The following TMEM245 variants were observed in gnomAD, a reference collection of about 807,000 sequenced individuals.
The protein encoded by TMEM245 is transmembrane protein 245.
Under a neutral mutation model 101.2 loss-of-function variants are expected in TMEM245, and 69 were observed. That is an observed-to-expected ratio of 0.68 (90% CI 0.56 to 0.83). The LOEUF (loss-of-function observed/expected upper bound fraction) is 0.83, where lower values mean the gene tolerates loss of function less well. TMEM245 is among the 40% of genes least tolerant of loss of function. TMEM245 has a pLI of 0.00. For missense variants in TMEM245, 1,075 were observed against 1,092.8 expected (o/e 0.98, Z 0.23); for synonymous variants, 537 against 449.8 (o/e 1.19, Z -2.45).
intron 12 of TMEM245, among the ~76,000 whole-genome samples, chr9:109,051,206 C>T (rs1828669430): frequency 6.6e-6 from 1 of 151,418 alleles, no homozygotes; most frequent in African/African-American, 2.4e-5. Context: ...GGAGGAGAAT[C>T]GCTTGAACCC....
At chr9:109,046,409 C>T in intron 14 of TMEM245, 1 of 404,222 alleles carries the variant, frequency 2.5e-6, no homozygotes, top group Non-Finnish European at 5.4e-6. Flanking sequence ...GGATGCATGC[C>T]ACTGACTCAA....
chr9:109,029,309 C>T (rs564552681), intron 17 of TMEM245, among the ~76,000 whole-genome samples: 6 of 152,256 alleles, frequency 3.9e-5, no homozygotes, highest in Non-Finnish European at 8.8e-5. Flanking sequence ...TGTCAGAACA[C>T]CAGAACACAA....
At chr9:109,045,157 C>G (rs1828446432) in intron 14 of TMEM245, among the ~76,000 whole-genome samples, 1 of 152,166 alleles carries the variant, frequency 6.6e-6, no homozygotes, top group African/African-American at 2.4e-5. Context: ...TGCTGTAGAA[C>G]ATTAGAACTT....
At position 109,017,427 on chromosome 9, in the gene TMEM245, C is replaced by A. The variant is rs1012017643; in HGVS notation, c.*3033G>T. On this transcript the variant is annotated 3_prime_UTR_variant, in exon 18 of 18. Coordinates refer to ENST00000374586, the MANE Select transcript of TMEM245 (RefSeq NM_032012.4). Reference sequence around the variant, plus strand: ...GTCTTACAGAGATCACTTGCAGGAACAGATATTGATAGGAACTTCAGAACT... The same window carrying A: ...GTCTTACAGAGATCACTTGCAGGAAAAGATATTGATAGGAACTTCAGAACT... The A allele has an allele frequency of 1.3e-4, 20 of 152,156 alleles. No homozygotes were observed. Among genetic ancestry groups the A allele is most frequent in the African/African-American group, 4.8e-4 (20 of 41,432 alleles). 9.4% of individuals were successfully genotyped at this position (152,156 alleles called of 1,614,324 possible). A position where few individuals can be genotyped will look rare whatever the true frequency, so the allele number is the denominator to read the frequency against.
At position 109,033,600 on chromosome 9, in the gene TMEM245, G is replaced by C. The variant is rs956765169; in HGVS notation, c.2400-99C>G. On this transcript the variant is annotated intron_variant, in intron 16 of 17. Transcript: ENST00000374586. Reference sequence around the variant, plus strand: ...ATTCTTTAATACACTATGCTTTTTAGCATATTATCAGCTTTCTTTAGATCA... The same window carrying C: ...ATTCTTTAATACACTATGCTTTTTACCATATTATCAGCTTTCTTTAGATCA... 5.8e-6 allele frequency: 7 copies of C among 1,197,786 alleles called. No homozygotes were observed. The African/African-American group carries it at 1.1e-4, about 18-fold the overall frequency. 74.2% of individuals were successfully genotyped at this position (1,197,786 alleles called of 1,614,324 possible).
intron 14 of TMEM245, among the ~76,000 whole-genome samples, chr9:109,048,416 C>T (rs1461439099): frequency 6.6e-6 from 1 of 150,824 alleles, no homozygotes; most frequent in Non-Finnish European, 1.5e-5. Context: ...CAAGATCAAT[C>T]AGGTGCAATT....
intron 2 of TMEM245, 135 bp from the exon 3 acceptor site, chr9:109,106,744 A>G: frequency 1.6e-6 from 1 of 612,862 alleles, no homozygotes. Flanking sequence ...GGCAAAAAAA[A>G]AAAAATTTAA....
intron 7 of TMEM245, among the ~76,000 whole-genome samples, chr9:109,083,728 C>T (rs1043452729): frequency 6.6e-6 from 1 of 151,178 alleles, no homozygotes; most frequent in African/African-American, 2.4e-5. Context: ...AAACAAAATT[C>T]CACTTGAGTT....
At chr9:109,075,511 A>T (rs6477687) in intron 8 of TMEM245, among the ~76,000 whole-genome samples, 65,117 of 152,028 alleles carry the variant, frequency 0.43, 14,204 homozygotes, top group African/African-American at 0.47. Context: ...GGTAGGAAGA[A>T]TTTCAAACAC....
At chr9:109,032,356 T>C (rs1401364660) in intron 17 of TMEM245, among the ~76,000 whole-genome samples, 1 of 144,594 alleles carries the variant, frequency 6.9e-6, no homozygotes, top group Non-Finnish European at 1.5e-5. Context: ...GGTTGTCCTA[T>C]TTCTTTTCCT....
At chr9:109,037,487 C>G (rs1020113327) in intron 15 of TMEM245, among the ~76,000 whole-genome samples, 4 of 152,192 alleles carry the variant, frequency 2.6e-5, no homozygotes, top group African/African-American at 9.7e-5. Context: ...GTGACTGGAT[C>G]ATGGCGGGTG....
Position 109,066,452 on chromosome 9 carries a change from C to CAAAAAAAA in TMEM245, c.1533-1893_1533-1886dup, listed in dbSNP as rs386415818. On this transcript the variant is annotated intron_variant, in intron 9 of 17. Transcript: ENST00000374586. ...CCTGGGCAAAAGAGCAAGACTGTCT[C>CAAAAAAAA]AAAAAAAAAAAAAAAAAAAAAAAAA... is the stretch of plus-strand genomic sequence containing the variant. 5.4e-3 allele frequency among the ~76,000 whole-genome samples: 284 copies of CAAAAAAAA among 52,448 alleles called. 29 individuals carry two copies. Among genetic ancestry groups the CAAAAAAAA allele is most frequent in the African/African-American group, 0.03 (260 of 8,590 alleles). The allele number at this position is 52,448 out of a possible 152,430, so 34.4% of individuals were successfully genotyped here.
intron 10 of TMEM245, among the ~76,000 whole-genome samples, chr9:109,063,507 C>T (rs996220996): frequency 1.3e-5 from 2 of 152,238 alleles, no homozygotes; most frequent in South Asian, 4.1e-4. Flanking sequence ...GAATCACATA[C>T]TAATATATTT....
intron 17 of TMEM245, among the ~76,000 whole-genome samples, chr9:109,029,310 C>T (rs1827881113): frequency 6.6e-6 from 1 of 152,050 alleles, no homozygotes; most frequent in Admixed American, 6.5e-5. Context: ...GTCAGAACAC[C>T]AGAACACAAG....
chr9:109,061,735 A>T (rs1284515351), intron 10 of TMEM245, among the ~76,000 whole-genome samples: 1 of 151,754 alleles, frequency 6.6e-6, no homozygotes, highest in Non-Finnish European at 1.5e-5. Flanking sequence ...CACCCAGTTA[A>T]TTTTTGTATT....
chr9:109,089,889 G>T (rs935343514), intron 5 of TMEM245, among the ~76,000 whole-genome samples: 1 of 152,186 alleles, frequency 6.6e-6, no homozygotes, highest in Admixed American at 6.5e-5. Flanking sequence ...TTGCATACAT[G>T]TATTTCTCAA....
At chr9:109,078,446 A>G (rs1398102879) in intron 8 of TMEM245, among the ~76,000 whole-genome samples, 1 of 152,220 alleles carries the variant, frequency 6.6e-6, no homozygotes, top group Non-Finnish European at 1.5e-5. Flanking sequence ...TCTGCTATCA[A>G]CAAATTCAGT....
At chr9:109,071,943 G>C (rs550352913) in intron 9 of TMEM245, among the ~76,000 whole-genome samples, 39 of 152,100 alleles carry the variant, frequency 2.6e-4, no homozygotes, top group Non-Finnish European at 4.7e-4. Flanking sequence ...AGTATTTTAG[G>C]CTCTGCAGAA....
At chr9:109,020,818 C>T (rs1827598997) in intron 17 of TMEM245, among the ~76,000 whole-genome samples, 1 of 152,182 alleles carries the variant, frequency 6.6e-6, no homozygotes, top group Non-Finnish European at 1.5e-5. Context: ...AAGAGAAGAG[C>T]AATCTTCTTC....
Sources: allele counts gnomAD v4.1 joint callset (sites outside exome capture counted in the v4.1 genomes callset), GRCh38; gene constraint gnomAD v4.1.1; transcripts MANE v1.5; gene names NCBI Gene and HGNC (gene_info 2026-07-23, HGNC 2026-07-21).